The following RHBDL3 variants were observed in gnomAD, a reference collection of about 807,000 sequenced individuals.
The protein encoded by RHBDL3 is rhomboid like 3.
A neutral mutation model predicts 48.2 loss-of-function variants in RHBDL3; 28 were observed. That is an observed-to-expected ratio of 0.58 (90% CI 0.43 to 0.80). The LOEUF is 0.80. Ranked by LOEUF, RHBDL3 falls within the 30% of genes least tolerant of loss-of-function variation. The pLI is 0.00. For synonymous variants in RHBDL3, 208 were observed against 232.3 expected, an observed-to-expected ratio of 0.90 and a Z score of 0.95; for missense variants, 464 against 542.7, an observed-to-expected ratio of 0.85 and a Z score of 1.44.
Position 32,298,055 on chromosome 17 carries a change from A to T in RHBDL3, c.669-37A>T, listed in dbSNP as rs770089315. On this transcript the variant is annotated intron_variant, in intron 5 of 8. Transcript: ENST00000269051. ...GAATGAATGAATGAATGAATGAATG[A>T]ATAGATGAATGAGTGAGTGTGGTCT... 7.4e-6 allele frequency: 10 copies of T among 1,347,886 alleles called. No individual in the cohort carries two copies. The East Asian group carries it at 1.4e-4, about 19-fold the overall frequency. 83.5% of individuals were successfully genotyped at this position (1,347,886 alleles called of 1,614,324 possible). A position where few individuals can be genotyped will look rare whatever the true frequency, so the allele number is the denominator to read the frequency against.
intron 8 of RHBDL3, among the ~76,000 whole-genome samples, chr17:32,320,295 G>A (rs944150610): frequency 1.3e-5 from 2 of 151,992 alleles, no homozygotes; most frequent in Admixed American, 6.6e-5. Flanking sequence ...TCTGTTAAGG[G>A]GTCAATTCAG....
intron 7 of RHBDL3, among the ~76,000 whole-genome samples, chr17:32,309,624 C>T (rs2040793049): frequency 6.6e-6 from 1 of 152,108 alleles, no homozygotes; most frequent in African/African-American, 2.4e-5. Flanking sequence ...ATCTTAATAG[C>T]TATGAGTCTA....
At chr17:32,317,341 A>G (rs532609184) in intron 8 of RHBDL3, among the ~76,000 whole-genome samples, 1 of 152,374 alleles carries the variant, frequency 6.6e-6, no homozygotes, top group East Asian at 1.9e-4. Context: ...AAAAATACAT[A>G]TATGTGCACT....
intron 2 of RHBDL3, among the ~76,000 whole-genome samples, chr17:32,274,586 T>C (rs1471119582): frequency 2.0e-5 from 3 of 152,178 alleles, no homozygotes; most frequent in Non-Finnish European, 4.4e-5. Flanking sequence ...GGAAACTGGC[T>C]AGGTGCAGTA....
At position 32,322,624 on chromosome 17, in the gene RHBDL3, G is replaced by A. The variant is rs564194503; in HGVS notation, c.*1395G>A. 5.9e-5 allele frequency: 9 copies of A among 152,368 alleles called. No homozygotes were observed. Among genetic ancestry groups the A allele is most frequent in the African/African-American group, 1.9e-4 (8 of 41,558 alleles). The allele number at this position is 152,368 out of a possible 1,614,324, so 9.4% of individuals were successfully genotyped here. A position where few individuals can be genotyped will look rare whatever the true frequency, so the allele number is the denominator to read the frequency against. ...TGGAAAACTTTGCCTCAGGAGAATT[G>A]TTGGGTGCATGGATGAACCTCAGAG... On this transcript the variant is annotated 3_prime_UTR_variant, in exon 9 of 9. Coordinates refer to ENST00000269051, the MANE Select transcript of RHBDL3 (RefSeq NM_138328.3).
At chr17:32,267,187 G>A (rs1387298515) in intron 1 of RHBDL3, among the ~76,000 whole-genome samples, 1 of 152,100 alleles carries the variant, frequency 6.6e-6, no homozygotes, top group Non-Finnish European at 1.5e-5. Flanking sequence ...GAATGGGGTT[G>A]GGGGGTAGTT....
rs1047826248 is a variant in RHBDL3, at chr17:32,286,004, G to A, written c.294+1187G>A. Among the ~76,000 whole-genome samples the A allele has an allele frequency of 4.6e-5, 7 of 152,200 alleles. No individual in the cohort carries two copies. In the East Asian group the frequency reaches 1.3e-3, roughly 29 times the overall value. ...GAGTGGAGGAATCGACTGCTGTTCA[G>A]AGTGGACCCGGGGAGCAGACCTCCT... On this transcript the variant is annotated intron_variant, in intron 3 of 8. Transcript: ENST00000269051.
chr17:32,295,988 G>C (rs1422508472), intron 5 of RHBDL3, among the ~76,000 whole-genome samples: 1 of 151,990 alleles, frequency 6.6e-6, no homozygotes, highest in African/African-American at 2.4e-5. Context: ...GCACTTTGGG[G>C]GGCCAAGGCA....
intron 3 of RHBDL3, among the ~76,000 whole-genome samples, chr17:32,287,034 C>T (rs552919476): frequency 5.7e-4 from 87 of 152,350 alleles, no homozygotes; most frequent in Non-Finnish European, 9.3e-4. Context: ...CCTCTCCAAG[C>T]TTCAGTCCCC....
intron 2 of RHBDL3, among the ~76,000 whole-genome samples, chr17:32,268,317 C>T (rs1488198295): frequency 6.6e-6 from 1 of 152,150 alleles, no homozygotes; most frequent in Non-Finnish European, 1.5e-5. Flanking sequence ...GGGTCCATGG[C>T]CACCGCTGAA....
At chr17:32,269,128 A>G (rs1039142371) in intron 2 of RHBDL3, among the ~76,000 whole-genome samples, 4 of 152,174 alleles carry the variant, frequency 2.6e-5, no homozygotes, top group African/African-American at 9.7e-5. Context: ...CGGGAGGATC[A>G]CTTGAACCCA....
rs2150715675 is a variant in RHBDL3, at chr17:32,289,016, G to A, written c.519G>A (p.Glu173=). ...PWFMITVTLL[E]VAFFLYNGVS... Reference sequence around the variant, plus strand: ...TCATGATCACAGTCACGCTGCTGGAGGCAAGGACAAGGGTGGGGAGGGGGT... The same window carrying A: ...TCATGATCACAGTCACGCTGCTGGAAGCAAGGACAAGGGTGGGGAGGGGGT... Residue 173 remains glutamate, a splice_region_variant and synonymous_variant, in exon 4 of 9, where the codon GAG becomes GAA. Coordinates refer to ENST00000269051, the MANE Select transcript of RHBDL3 (RefSeq NM_138328.3). 6.2e-7 allele frequency: 1 copy of A among 1,613,896 alleles called. No homozygotes were observed. The highest frequency in any genetic ancestry group is 8.5e-7 in the Non-Finnish European group (1 of 1,179,786).
chr17:32,292,871 G>C (rs1368218714), intron 4 of RHBDL3, among the ~76,000 whole-genome samples: 1 of 149,980 alleles, frequency 6.7e-6, no homozygotes, highest in Non-Finnish European at 1.5e-5. Flanking sequence ...CTCAGCACTT[G>C]AGGAGGCAGG....
chr17:32,267,943 C>T lies in RHBDL3; in HGVS notation c.135+18C>T, dbSNP rs772250903. The stretch of plus-strand genomic sequence containing the variant: ...TTGATCAGGTATGTGAGCAGTTAAC[C>T]CCCCATTTCCTTCCAGCCCTCCCTG... On this transcript the variant is annotated intron_variant, in intron 2 of 8. Coordinates refer to ENST00000269051, the MANE Select transcript of RHBDL3 (RefSeq NM_138328.3). The T allele has an allele frequency of 3.2e-6, 5 of 1,578,826 alleles. No individual in the cohort carries two copies. The highest frequency in any genetic ancestry group is 2.2e-5 in the East Asian group (1 of 44,676).
chr17:32,304,213 C>T (rs1332533537), intron 6 of RHBDL3, among the ~76,000 whole-genome samples: 2 of 152,200 alleles, frequency 1.3e-5, no homozygotes, highest in Admixed American at 6.5e-5. Flanking sequence ...TCTCTCTCTT[C>T]CCCATGACTT....
chr17:32,298,167 C>A lies in RHBDL3; in HGVS notation c.744C>A (p.Thr248=), dbSNP rs1197922687. The change falls in exon 6 of 9, where the codon ACC becomes ACA. Residue 248 remains threonine (T), a synonymous_variant. Coordinates refer to ENST00000269051, the MANE Select transcript of RHBDL3 (RefSeq NM_138328.3). ...CCCTGGAGATGGTGCATGGAGCCAC[C>A]CGAATTGGGCTTGTCTACGTGGCCG... ...GVPLEMVHGA[T]RIGLVYVAGV... 6.2e-7 allele frequency: 1 copy of A among 1,613,782 alleles called. No homozygotes were observed. The highest frequency in any genetic ancestry group is 8.5e-7 in the Non-Finnish European group (1 of 1,179,864).
At chr17:32,267,829 G>GTCT in intron 1 of RHBDL3, 73 bp from the exon 2 acceptor site, 1 of 1,612,456 alleles carries the variant, frequency 6.2e-7, no homozygotes, top group Non-Finnish European at 8.5e-7. Context: ...GAGGACTACA[G>GTCT]AGACCTTGGT....
At chr17:32,266,694 G>T (rs926019375) in intron 1 of RHBDL3, among the ~76,000 whole-genome samples, 4 of 152,314 alleles carry the variant, frequency 2.6e-5, no homozygotes, top group Non-Finnish European at 4.4e-5. Flanking sequence ...AGGAGCGGAC[G>T]CCGCAGAGTC....
chr17:32,275,723 G>T (rs2039881745), intron 2 of RHBDL3, among the ~76,000 whole-genome samples: 1 of 152,202 alleles, frequency 6.6e-6, no homozygotes, highest in African/African-American at 2.4e-5. Context: ...TTGGGCAAGG[G>T]GGATGCTCAG....
Sources: allele counts gnomAD v4.1 joint callset (sites outside exome capture counted in the v4.1 genomes callset), GRCh38; gene constraint gnomAD v4.1.1; transcripts MANE v1.5; gene names NCBI Gene and HGNC (gene_info 2026-07-23, HGNC 2026-07-21).